Variants in ISLR2 observed in about 807,000 individuals in gnomAD.
The protein encoded by ISLR2 is immunoglobulin superfamily containing leucine rich repeat 2, also known as immunoglobulin superfamily containing leucine-rich repeat protein 2.
A neutral mutation model predicts 25.5 loss-of-function variants in ISLR2; 16 were observed. That is an observed-to-expected ratio of 0.63 (90% CI 0.43 to 0.95). The LOEUF (loss-of-function observed/expected upper bound fraction) is 0.95, where lower values mean the gene tolerates loss of function less well. ISLR2 is among the 40% of genes least tolerant of loss of function. ISLR2 has a pLI of 0.00. For synonymous variants in ISLR2, 508 were observed against 486.6 expected, an observed-to-expected ratio of 1.04 and a Z score of -0.58; for missense variants, 883 against 1,030.7, an observed-to-expected ratio of 0.86 and a Z score of 1.96.
At chr15:74,107,172 C>G (rs1278534412) in intron 2 of ISLR2, among the ~76,000 whole-genome samples, 40 of 152,174 alleles carry the variant, frequency 2.6e-4, no homozygotes. Context: ...CACTGTTCAG[C>G]TGTGTCCTGG....
intron 2 of ISLR2, among the ~76,000 whole-genome samples, chr15:74,108,503 C>T (rs2072140341): frequency 6.6e-6 from 1 of 152,178 alleles, no homozygotes; most frequent in South Asian, 2.1e-4. Context: ...CATGTCCACG[C>T]AGCCCTCAAG....
chr15:74,107,624 A>T (rs2072131370), intron 2 of ISLR2, among the ~76,000 whole-genome samples: 1 of 152,186 alleles, frequency 6.6e-6, no homozygotes, highest in South Asian at 2.1e-4. Flanking sequence ...TGGCTCCCAC[A>T]GAGGGAGCCA....
At chr15:74,114,339 T>C (rs2072193996) in intron 2 of ISLR2, among the ~76,000 whole-genome samples, 2 of 152,130 alleles carry the variant, frequency 1.3e-5, no homozygotes, top group Admixed American at 6.6e-5. Flanking sequence ...ATTCTAAAAG[T>C]AGAGAAGACA....
rs946311097 is a variant in ISLR2, at chr15:74,133,042, C to G, written c.288C>G (p.Ala96=). The G allele has an allele frequency of 6.2e-7, 1 of 1,613,004 alleles. No homozygotes were observed. Among genetic ancestry groups the G allele is most frequent in the Non-Finnish European group, 8.5e-7 (1 of 1,179,952 alleles). The change falls in exon 3 of 3, where the codon GCC becomes GCG. Residue 96 remains alanine, a synonymous_variant. Coordinates refer to ENST00000453268, the MANE Select transcript of ISLR2 (RefSeq NM_020851.3). ...EVRTVEPGAL[A]VLSQLKNLDL... The stretch of plus-strand genomic sequence containing the variant: ...GCACCGTGGAGCCAGGCGCACTGGC[C>G]GTGCTGAGTCAGCTCAAGAACCTCG...
At chr15:74,107,152 G>A (rs1295860448) in intron 2 of ISLR2, among the ~76,000 whole-genome samples, 1 of 152,172 alleles carries the variant, frequency 6.6e-6, no homozygotes, top group Non-Finnish European at 1.5e-5. Flanking sequence ...AAGGCATCCA[G>A]GGTAAAGTGC....
chr15:74,124,673 C>A, upstream of ISLR2, among the ~76,000 whole-genome samples: 1 of 152,174 alleles, frequency 6.6e-6, no homozygotes, highest in East Asian at 1.9e-4. Flanking sequence ...GCAGGAGAAT[C>A]ACTTGAACCC....
Position 74,133,643 on chromosome 15 carries a change from G to T in ISLR2, c.889G>T (p.Ala297Ser). Residue 297 changes from alanine to serine, a missense_variant, in exon 3 of 3, where the codon GCG (alanine) becomes TCG (serine). Coordinates refer to ENST00000453268, the MANE Select transcript of ISLR2 (RefSeq NM_020851.3). The part of the protein sequence containing the change: ...VLSGEDDGVG[A>S]EEGEGEGDGD... Reference sequence around the variant, plus strand: ...GAGCGGGGAGGACGACGGGGTTGGGGCGGAGGAAGGAGAGGGAGAAGGAGA... The same window carrying T: ...GAGCGGGGAGGACGACGGGGTTGGGTCGGAGGAAGGAGAGGGAGAAGGAGA... The T allele has an allele frequency of 1.2e-6, 2 of 1,613,048 alleles. No individual in the cohort carries two copies. The highest frequency in any genetic ancestry group is 1.7e-6 in the Non-Finnish European group (2 of 1,179,604).
upstream of ISLR2, chr15:74,127,083 G>A (rs1434348931): frequency 6.6e-6 from 1 of 152,054 alleles, no homozygotes; most frequent in Admixed American, 6.5e-5. Context: ...GCCCATCTGG[G>A]CCCCGGCTTT....
At position 74,133,858 on chromosome 15, in the gene ISLR2, A is replaced by T; in HGVS notation, c.1104A>T (p.Ile368=). 1 of 1,612,756 alleles carries T rather than the reference A, an allele frequency of 6.2e-7. No individual in the cohort carries two copies. Among genetic ancestry groups the T allele is most frequent in the Non-Finnish European group, 8.5e-7 (1 of 1,179,660 alleles). ...AGCTGGGCGCCAACTCTACGTCAAT[A>T]CGCGTGGCGGTGGCAGCAACCGGGC... The part of the protein sequence containing the change: ...HNELGANSTS[I]RVAVAATGPP... Residue 368 remains isoleucine (I), a synonymous_variant, in exon 3 of 3, where the codon ATA becomes ATT. Coordinates refer to ENST00000453268, the MANE Select transcript of ISLR2 (RefSeq NM_020851.3).
At chr15:74,131,999 C>A (rs956166720) in intron 2 of ISLR2, 1 of 152,320 alleles carries the variant, frequency 6.6e-6, no homozygotes, top group African/African-American at 2.4e-5. Flanking sequence ...CAGGCACATG[C>A]CTGTGTTCTT....
chr15:74,127,303 T>C (rs1278319668), upstream of ISLR2: 2 of 152,188 alleles, frequency 1.3e-5, no homozygotes, highest in Non-Finnish European at 2.9e-5. Context: ...GATTTTTTTT[T>C]CCAGATCTCA....
At chr15:74,130,492 T>C (rs2072386521), upstream of ISLR2, 1 of 152,420 alleles carries the variant, frequency 6.6e-6, no homozygotes, top group African/African-American at 2.4e-5. Context: ...CCCCCCCCAC[T>C]TCAGCCGCGC....
chr15:74,107,769 C>T (rs914170694), intron 2 of ISLR2, among the ~76,000 whole-genome samples: 1 of 152,212 alleles, frequency 6.6e-6, no homozygotes, highest in East Asian at 1.9e-4. Context: ...ACCTATCATT[C>T]GATGCAGAGA....
chr15:74,129,232 T>C (rs2072352130), upstream of ISLR2: 1 of 359,698 alleles, frequency 2.8e-6, no homozygotes, highest in Non-Finnish European at 5.5e-6. The surrounding 1 kb of genome is among the most constrained non-coding windows in gnomAD (Gnocchi z 4.5). Context: ...GAGGGACGCT[T>C]GGAGTGTGAG....
upstream of ISLR2, chr15:74,130,209 C>T (rs924166296): frequency 8.0e-4 from 1 of 1,246 alleles, no homozygotes; most frequent in African/African-American, 3.5e-3. Context: ...GCAGGCGGGG[C>T]GGGGGGGTTG....
intron 2 of ISLR2, among the ~76,000 whole-genome samples, chr15:74,108,052 G>C (rs750921638): frequency 3.3e-5 from 5 of 152,192 alleles, no homozygotes; most frequent in Non-Finnish European, 7.3e-5. Flanking sequence ...GGAGCTGGGA[G>C]GTGTCGACAG....
rs1013297813 is a variant in ISLR2 at position 74,135,305 on chromosome 15, A to C, written c.*313A>C. 3.9e-5 allele frequency: 12 copies of C among 310,556 alleles called. No individual in the cohort carries two copies. Among genetic ancestry groups the C allele is most frequent in the Non-Finnish European group, 6.4e-5 (10 of 155,608 alleles). The allele number at this position is 310,556 out of a possible 1,614,324, so 19.2% of individuals were successfully genotyped here. A position where few individuals can be genotyped will look rare whatever the true frequency, so the allele number is the denominator to read the frequency against. On this transcript the variant is annotated 3_prime_UTR_variant, in exon 3 of 3. Coordinates refer to ENST00000453268, the MANE Select transcript of ISLR2 (RefSeq NM_020851.3). ...TCTATGTCCCTCCATTCCCGTCGCGATTATCTGCGAAATCCACCCCGCAGC... is the reference window on the plus strand; with the variant it reads ...TCTATGTCCCTCCATTCCCGTCGCGCTTATCTGCGAAATCCACCCCGCAGC...
chr15:74,127,369 G>A (rs904200837), upstream of ISLR2: 3 of 152,220 alleles, frequency 2.0e-5, no homozygotes, highest in African/African-American at 7.2e-5. Flanking sequence ...AGAAGGGAGA[G>A]TGGGAGAGGT....
chr15:74,139,061 A>G (rs928576720), downstream of ISLR2, among the ~76,000 whole-genome samples: 1 of 152,142 alleles, frequency 6.6e-6, no homozygotes, highest in Admixed American at 6.5e-5. Context: ...TAGGATCCTG[A>G]GTGCCACTAG....
Sources: allele counts gnomAD v4.1 joint callset (sites outside exome capture counted in the v4.1 genomes callset), GRCh38; gene constraint gnomAD v4.1.1; non-coding constraint Gnocchi (gnomAD v3.1); transcripts MANE v1.5; gene names NCBI Gene and HGNC (gene_info 2026-07-23, HGNC 2026-07-21).